SNTG1: variants seen among roughly 807,000 people sequenced by gnomAD.
The protein encoded by SNTG1 is gamma-1-syntrophin.
SNTG1 carries 39 observed loss-of-function variants against 74.7 expected under a neutral mutation model. That is an observed-to-expected ratio of 0.52 (90% confidence interval 0.40 to 0.68). The LOEUF is 0.68. SNTG1 is among the 30% of genes least tolerant of loss of function. SNTG1 has a pLI of 0.00. For synonymous variants in SNTG1, 254 were observed against 217.1 expected (o/e 1.17, Z -1.49); for missense variants, 685 against 609.5 (o/e 1.12, Z -1.30).
intron 9 of SNTG1, among the ~76,000 whole-genome samples, chr8:50,513,911 C>G (rs2094109031): frequency 6.6e-6 from 1 of 152,174 alleles, no homozygotes; most frequent in African/African-American, 2.4e-5. Context: ...CAGTGCACTG[C>G]ACCCACTCTC....
chr8:50,204,560 TTAAAA>T (rs2084123951), intron 2 of SNTG1, among the ~76,000 whole-genome samples: 1 of 152,130 alleles, frequency 6.6e-6, no homozygotes, highest in African/African-American at 2.4e-5. Flanking sequence ...TTATTTAATC[TTAAAA>T]TAAGATATAA....
Position 50,467,522 on chromosome 8 carries a change from C to T in SNTG1, c.363+16793C>T, listed in dbSNP as rs575713634. On this transcript the variant is annotated intron_variant, in intron 8 of 18. Coordinates refer to ENST00000642720, the MANE Select transcript of SNTG1 (RefSeq NM_018967.5). ...TCTGACACTGGTAATTTGTATCTTTCTCTCTTTATTTCTTGGTGAGTTTCC... is the reference window on the plus strand; with the variant it reads ...TCTGACACTGGTAATTTGTATCTTTTTCTCTTTATTTCTTGGTGAGTTTCC... Among the ~76,000 whole-genome samples the T allele has an allele frequency of 3.3e-5, 5 of 151,858 alleles. No individual in the cohort carries two copies. In the South Asian group the frequency reaches 1.0e-3, roughly 32 times the overall value.
chr8:50,279,033 A>T (rs1026120007), intron 2 of SNTG1, among the ~76,000 whole-genome samples: 22 of 152,308 alleles, frequency 1.4e-4, no homozygotes, highest in African/African-American at 5.0e-4. Flanking sequence ...AGTACAAGAT[A>T]CGAGAGTATG....
chr8:50,134,566 AAAC>A, intron 1 of SNTG1, among the ~76,000 whole-genome samples: 1 of 152,316 alleles, frequency 6.6e-6, no homozygotes, highest in East Asian at 1.9e-4. Flanking sequence ...CAGCAAGTAT[AAAC>A]AACAATTTTA....
intron 2 of SNTG1, among the ~76,000 whole-genome samples, chr8:50,235,897 TG>T: frequency 6.6e-6 from 1 of 151,774 alleles, no homozygotes; most frequent in Admixed American, 6.6e-5. Flanking sequence ...AAGAAAAAAA[TG>T]TTTCTAGCAT....
At chr8:50,167,677 G>T (rs1054596869) in intron 1 of SNTG1, among the ~76,000 whole-genome samples, 60 of 151,644 alleles carry the variant, frequency 4.0e-4, no homozygotes, top group Middle Eastern at 3.4e-3. Flanking sequence ...GCCAGACATG[G>T]TGGCATGCGC....
intron 9 of SNTG1, among the ~76,000 whole-genome samples, chr8:50,513,649 C>A (rs879523296): frequency 2.0e-5 from 3 of 152,218 alleles, no homozygotes; most frequent in Admixed American, 2.0e-4. Flanking sequence ...TGCTGCCTTG[C>A]GGTTTGATCT....
chr8:50,391,383 G>T (rs1563323362), intron 2 of SNTG1, among the ~76,000 whole-genome samples: 1 of 152,102 alleles, frequency 6.6e-6, no homozygotes, highest in Non-Finnish European at 1.5e-5. Flanking sequence ...TTATTGATTT[G>T]TGTATGTTGA....
At chr8:50,179,866 C>T (rs2131705465) in intron 2 of SNTG1, among the ~76,000 whole-genome samples, 1 of 152,280 alleles carries the variant, frequency 6.6e-6, no homozygotes, top group Non-Finnish European at 1.5e-5. Flanking sequence ...TGAAAAACTG[C>T]ATGGAGTTTT....
intron 1 of SNTG1, among the ~76,000 whole-genome samples, chr8:50,094,820 G>T (rs934335749): frequency 6.6e-6 from 1 of 152,140 alleles, no homozygotes; most frequent in Non-Finnish European, 1.5e-5. Context: ...ATACGCAGAG[G>T]AATATAAATC....
intron 1 of SNTG1, among the ~76,000 whole-genome samples, chr8:50,119,193 T>TA (rs2080919767): frequency 7.1e-6 from 1 of 141,768 alleles, no homozygotes; most frequent in East Asian, 2.0e-4. Flanking sequence ...CTCTATATGG[T>TA]AAAAAATTAT....
intron 8 of SNTG1, among the ~76,000 whole-genome samples, chr8:50,458,807 A>G (rs1055652994): frequency 1.3e-5 from 2 of 152,078 alleles, no homozygotes; most frequent in Non-Finnish European, 2.9e-5. Flanking sequence ...GTTTGTTTAC[A>G]TAATCTGGCC....
At chr8:50,101,380 A>G (rs546031170) in intron 1 of SNTG1, among the ~76,000 whole-genome samples, 3 of 152,194 alleles carry the variant, frequency 2.0e-5, no homozygotes, top group Non-Finnish European at 2.9e-5. Context: ...AGGCTGAACT[A>G]ATTTGCATTC....
intron 13 of SNTG1, among the ~76,000 whole-genome samples, chr8:50,623,065 GTT>G (rs1161472497): frequency 6.6e-6 from 1 of 151,926 alleles, no homozygotes; most frequent in African/African-American, 2.4e-5. Context: ...TTTTGGTTTT[GTT>G]TTTTGTGTGT....
At chr8:50,225,962 T>G (rs1195516920) in intron 2 of SNTG1, among the ~76,000 whole-genome samples, 3 of 152,204 alleles carry the variant, frequency 2.0e-5, no homozygotes, top group African/African-American at 7.2e-5. Flanking sequence ...ACACTATTGT[T>G]AATTATGTAC....
chr8:49,969,730 T>C (rs1218779685), intron 1 of SNTG1, among the ~76,000 whole-genome samples: 2 of 152,046 alleles, frequency 1.3e-5, no homozygotes, highest in African/African-American at 4.8e-5. Context: ...ATCCATTACA[T>C]ATGATCATGT....
intron 1 of SNTG1, among the ~76,000 whole-genome samples, chr8:50,095,754 T>A (rs2079902680): frequency 1.3e-5 from 2 of 152,034 alleles, no homozygotes; most frequent in South Asian, 2.1e-4. Flanking sequence ...GGTAAAAAAA[T>A]GTGGAAAAAA....
intron 1 of SNTG1, among the ~76,000 whole-genome samples, chr8:49,984,200 T>C (rs2130191030): frequency 6.6e-6 from 1 of 151,938 alleles, no homozygotes; most frequent in East Asian, 1.9e-4. Context: ...TTTTTTATTT[T>C]TATTTATTTA....
In SNTG1 at chr8:50,611,936, T is replaced by G. The variant is rs1341019651; in HGVS notation, c.849+21019T>G. ...CATTTGCCACCATGTACAGCTATTT[T>G]TTGTGGAGACTGGGTCTCCCCATGT... is the stretch of plus-strand genomic sequence containing the variant. On this transcript the variant is annotated intron_variant, in intron 13 of 18. Coordinates refer to ENST00000642720, the MANE Select transcript of SNTG1 (RefSeq NM_018967.5). 2.6e-5 allele frequency among the ~76,000 whole-genome samples: 4 copies of G among 152,090 alleles called. No individual in the cohort carries two copies. In the East Asian group the frequency reaches 7.7e-4, roughly 29 times the overall value.
Sources: allele counts gnomAD v4.1 joint callset (sites outside exome capture counted in the v4.1 genomes callset), GRCh38; gene constraint gnomAD v4.1.1; transcripts MANE v1.5; gene names NCBI Gene and HGNC (gene_info 2026-07-23, HGNC 2026-07-21).